The following CCDC7 variants were observed in gnomAD, a reference collection of about 807,000 sequenced individuals.
CCDC7 encodes the protein coiled-coil domain containing 7.
In CCDC7, 183 loss-of-function variants were observed where a neutral mutation model predicts 196.9. That is an observed-to-expected ratio of 0.93 (90% CI 0.82 to 1.05). CCDC7 has a LOEUF of 1.05. Ranked by LOEUF, CCDC7 falls within the 50% of genes least tolerant of loss-of-function variation. The pLI is 0.00. For missense variants in CCDC7, 1,540 were observed against 1,482.2 expected (o/e 1.04, Z -0.64); for synonymous variants, 525 against 484.6 (o/e 1.08, Z -1.10).
At chr10:32,719,578 C>T (rs2082102342) in intron 25 of CCDC7, among the ~76,000 whole-genome samples, 1 of 152,110 alleles carries the variant, frequency 6.6e-6, no homozygotes, top group African/African-American at 2.4e-5. Context: ...TCAGCATGAA[C>T]AGGCAACCTA....
chr10:32,601,143 G>A (rs184024299), intron 18 of CCDC7, among the ~76,000 whole-genome samples: 165 of 152,254 alleles, frequency 1.1e-3, no homozygotes, highest in African/African-American at 3.8e-3. Context: ...CATGATCTCC[G>A]CTCACTGCAA....
chr10:32,679,088 G>T (rs961160703), intron 21 of CCDC7, among the ~76,000 whole-genome samples: 1 of 152,036 alleles, frequency 6.6e-6, no homozygotes, highest in Non-Finnish European at 1.5e-5. Context: ...TTGACCTAAA[G>T]CATGTATACT....
intron 22 of CCDC7, among the ~76,000 whole-genome samples, chr10:32,688,321 G>A (rs1210196607): frequency 6.6e-6 from 1 of 152,152 alleles, no homozygotes; most frequent in African/African-American, 2.4e-5. Context: ...ATCATAGGCT[G>A]TCTGTTCATG....
intron 34 of CCDC7, 104 bp from the exon 36 acceptor site, chr10:32,845,439 T>G: frequency 8.0e-7 from 1 of 1,243,996 alleles, no homozygotes; most frequent in Admixed American, 2.2e-5. Flanking sequence ...GTTACATAAG[T>G]AAAATTATTC....
At chr10:32,511,753 A>ACGGCCTTCGACTC (rs1412290670) in intron 9 of CCDC7, 38 of 1,524,640 alleles carry the variant, frequency 2.5e-5, no homozygotes, top group Non-Finnish European at 3.4e-5. Context: ...TGGCTGACTC[A>ACGGCCTTCGACTC]CGGCCTTCGA....
intron 29 of CCDC7, among the ~76,000 whole-genome samples, chr10:32,802,316 G>C (rs893073529): frequency 1.3e-5 from 2 of 152,104 alleles, no homozygotes; most frequent in Non-Finnish European, 2.9e-5. Flanking sequence ...TGCATCTCTT[G>C]AGCAGTGAAT....
chr10:32,451,318 C>A (rs1049935585), upstream of CCDC7, among the ~76,000 whole-genome samples: 1 of 152,050 alleles, frequency 6.6e-6, no homozygotes, highest in Non-Finnish European at 1.5e-5. Flanking sequence ...AAAGGGCATA[C>A]CTTAGATTAA....
intron 9 of CCDC7, among the ~76,000 whole-genome samples, chr10:32,515,384 A>G (rs1489015257): frequency 1.3e-5 from 2 of 152,192 alleles, no homozygotes; most frequent in Admixed American, 1.3e-4. Context: ...ATATAGAGCA[A>G]TGGAATAGAG....
chr10:32,649,728 A>G (rs2068393408), intron 20 of CCDC7, among the ~76,000 whole-genome samples: 1 of 151,990 alleles, frequency 6.6e-6, no homozygotes, highest in African/African-American at 2.4e-5. Context: ...TGTTTTCTTT[A>G]TTTTTGTCTG....
downstream of CCDC7, chr10:32,876,452 G>A (rs1026625512): frequency 3.0e-5 from 44 of 1,479,942 alleles, no homozygotes; most frequent in Admixed American, 3.7e-4. Context: ...TGCAGGAAAG[G>A]AAATTGCAAG....
chr10:32,820,446 A>G (rs946994564), intron 31 of CCDC7, among the ~76,000 whole-genome samples: 3 of 152,192 alleles, frequency 2.0e-5, no homozygotes, highest in Non-Finnish European at 4.4e-5. Flanking sequence ...GACTTTCTTC[A>G]CAGAATTGGA....
intron 9 of CCDC7, among the ~76,000 whole-genome samples, chr10:32,506,812 A>G (rs2045252631): frequency 1.3e-5 from 2 of 150,392 alleles, no homozygotes; most frequent in Admixed American, 6.6e-5. Context: ...AGATCATGGC[A>G]GTACAGTCCA....
intron 24 of CCDC7, among the ~76,000 whole-genome samples, chr10:32,711,106 A>T (rs2080748514): frequency 6.6e-6 from 1 of 150,812 alleles, no homozygotes; most frequent in Admixed American, 6.6e-5. Flanking sequence ...ATATTATACC[A>T]TTGTTTCTGG....
At chr10:32,684,346 A>C (rs959046252) in intron 21 of CCDC7, among the ~76,000 whole-genome samples, 19 of 152,168 alleles carry the variant, frequency 1.2e-4, no homozygotes, top group Non-Finnish European at 1.0e-4. Flanking sequence ...GACTCCATGC[A>C]GCTTTCTGTG....
intron 20 of CCDC7, among the ~76,000 whole-genome samples, chr10:32,637,587 A>G (rs976606234): frequency 2.6e-5 from 4 of 152,092 alleles, no homozygotes; most frequent in South Asian, 2.1e-4. Context: ...CCATTGGTCT[A>G]TAGCTCTGTT....
chr10:32,873,401 C>T (rs2094498299), intron 41 of CCDC7, among the ~76,000 whole-genome samples: 1 of 152,004 alleles, frequency 6.6e-6, no homozygotes, highest in African/African-American at 2.4e-5. Context: ...CCTTTAAGGA[C>T]TTCTCTGCAT....
chr10:32,464,973 A>T (rs941850112), intron 5 of CCDC7, among the ~76,000 whole-genome samples: 2 of 152,112 alleles, frequency 1.3e-5, no homozygotes, highest in Non-Finnish European at 2.9e-5. Context: ...GCCTGTTTTT[A>T]AAAAAATTAT....
upstream of CCDC7, among the ~76,000 whole-genome samples, chr10:32,450,755 A>T (rs2032836101): frequency 6.6e-6 from 1 of 152,192 alleles, no homozygotes; most frequent in South Asian, 2.1e-4. Context: ...TGTGGGAATA[A>T]AGATGTATAT....
intron 28 of CCDC7, among the ~76,000 whole-genome samples, chr10:32,749,486 A>C (rs2504335): frequency 6.6e-6 from 1 of 152,048 alleles, no homozygotes; most frequent in Admixed American, 6.6e-5. Context: ...AACTAGGTAT[A>C]TCTATGAAAT....
Sources: allele counts gnomAD v4.1 joint callset (sites outside exome capture counted in the v4.1 genomes callset), GRCh38; gene constraint gnomAD v4.1.1; transcripts MANE v1.5; gene names NCBI Gene and HGNC (gene_info 2026-07-23, HGNC 2026-07-21).